Variants in OPCML observed in about 807,000 individuals in gnomAD.
The protein encoded by OPCML is opioid-binding protein/cell adhesion molecule.
OPCML carries 13 observed loss-of-function variants against 37.8 expected under a neutral mutation model. The ratio of observed to expected loss-of-function variants is 0.34; its 90% CI spans 0.22 to 0.55. OPCML has a LOEUF of 0.55. Ranked by LOEUF, OPCML falls within the 20% of genes least tolerant of loss-of-function variation. OPCML has a pLI of 0.91. For synonymous variants in OPCML, 176 were observed against 168.8 expected (o/e 1.04, Z -0.33); for missense variants, 341 against 435.6 (o/e 0.78, Z 1.93).
At chr11:133,429,363 G>T (rs1946070765) in intron 1 of OPCML, among the ~76,000 whole-genome samples, 2 of 152,158 alleles carry the variant, frequency 1.3e-5, no homozygotes, top group Non-Finnish European at 2.9e-5. Context: ...GGGGTGAGCT[G>T]GGGATTGGAT....
chr11:132,867,314 G>A (rs562999572), intron 2 of OPCML, among the ~76,000 whole-genome samples: 1 of 152,272 alleles, frequency 6.6e-6, no homozygotes, highest in South Asian at 2.1e-4. Context: ...CTCTGTCACG[G>A]ACTCAGCATC....
intron 4 of OPCML, among the ~76,000 whole-genome samples, chr11:132,441,165 G>GTTTTTTTTTTGTTTTTTTTTTTTTTTT (rs2096031953): frequency 1.4e-5 from 1 of 72,402 alleles, no homozygotes; most frequent in Admixed American, 1.5e-4. Context: ...GGACTTTTTT[G>GTTTTTTTTTTGTTTTTTTTTTTTTTTT]TTTTTTTTTT....
intron 1 of OPCML, among the ~76,000 whole-genome samples, chr11:133,450,728 T>C (rs76916206): frequency 0.016 from 2,357 of 151,644 alleles, 134 homozygotes; most frequent in African/African-American, 0.054. Flanking sequence ...GAAGGAAAAG[T>C]GAAGACAGTA....
intron 1 of OPCML, among the ~76,000 whole-genome samples, chr11:133,313,765 T>TTTTAGCCCATGGAGACCCGAGTTAGA (rs1943122473): frequency 6.6e-6 from 1 of 152,178 alleles, no homozygotes; most frequent in Non-Finnish European, 1.5e-5. Flanking sequence ...GACACCCTGA[T>TTTTAGCCCATGGAGACCCGAGTTAGA]TTTAGCCCAT....
At chr11:132,984,286 G>A (rs978352854) in intron 1 of OPCML, among the ~76,000 whole-genome samples, 2 of 152,058 alleles carry the variant, frequency 1.3e-5, no homozygotes, top group African/African-American at 2.4e-5. Context: ...ATAACTACTC[G>A]ATAATTATTC....
rs144874252 is a variant in OPCML, at chr11:132,567,899, G to C, written c.380-38713C>G. On this transcript the variant is annotated intron_variant, in intron 3 of 7. Coordinates refer to ENST00000524381, the MANE Select transcript of OPCML (RefSeq NM_001012393.5). Reference sequence around the variant, plus strand: ...CAGTTGTTGCAAATTGTTTGACTTTGGTCATGTATGTGCCATTCACAGACA... The same window carrying C: ...CAGTTGTTGCAAATTGTTTGACTTTCGTCATGTATGTGCCATTCACAGACA... Among the ~76,000 whole-genome samples, 399 of 152,262 alleles carry C rather than the reference G, an allele frequency of 2.6e-3. 2 individuals are homozygous for C. Among genetic ancestry groups the C allele is most frequent in the Admixed American group, 4.6e-3 (71 of 15,306 alleles).
chr11:133,219,765 C>T (rs976609510), intron 1 of OPCML, among the ~76,000 whole-genome samples: 4 of 151,360 alleles, frequency 2.6e-5, no homozygotes, highest in Non-Finnish European at 5.9e-5. Flanking sequence ...GGACATTTGG[C>T]AATGCTTGGA....
chr11:132,855,735 C>G (rs1359770595), intron 2 of OPCML, among the ~76,000 whole-genome samples: 1 of 152,192 alleles, frequency 6.6e-6, no homozygotes, highest in Non-Finnish European at 1.5e-5. Context: ...AACCACCAAC[C>G]TAATCCATCC....
chr11:133,017,640 C>T (rs181999663), intron 1 of OPCML, among the ~76,000 whole-genome samples: 6 of 152,296 alleles, frequency 3.9e-5, no homozygotes, highest in Admixed American at 2.0e-4. Flanking sequence ...CTGCCCTCCT[C>T]GGCCTCCCAA....
chr11:133,105,882 T>C (rs1949148988), intron 1 of OPCML, among the ~76,000 whole-genome samples: 1 of 151,894 alleles, frequency 6.6e-6, no homozygotes, highest in East Asian at 1.9e-4. Context: ...CTCAGGAGGC[T>C]GAGGCAGGAG....
intron 1 of OPCML, among the ~76,000 whole-genome samples, chr11:133,121,445 A>G (rs1194455524): frequency 1.3e-5 from 2 of 152,216 alleles, no homozygotes; most frequent in African/African-American, 4.8e-5. Context: ...ATGTCCTGAT[A>G]CACTTCAGAC....
Position 133,458,557 on chromosome 11 carries a change from GTA to G in OPCML, c.61+73705_61+73706del, listed in dbSNP as rs199726008. 1.7e-4 allele frequency among the ~76,000 whole-genome samples: 17 copies of G among 99,730 alleles called. 3 individuals carry two copies. The highest frequency in any genetic ancestry group is 4.2e-4 in the African/African-American group (4 of 9,574). The allele number at this position is 99,730 out of a possible 152,430, so 65.4% of individuals were successfully genotyped here. A position where few individuals can be genotyped will look rare whatever the true frequency, so the allele number is the denominator to read the frequency against. ...TATACACATATATACACGTGTGTGT[GTA>G]TACACATATATACACGTGTGTGTAC... On this transcript the variant is annotated intron_variant, in intron 1 of 7. Transcript: ENST00000524381.
rs554700913 is a variant in OPCML, at chr11:132,768,631, T to G, written c.147-111312A>C. 8.5e-5 allele frequency among the ~76,000 whole-genome samples: 13 copies of G among 152,316 alleles called. 1 individual carries two copies. The highest frequency in any genetic ancestry group is 3.1e-4 in the African/African-American group (13 of 41,578). On this transcript the variant is annotated intron_variant, in intron 2 of 7. Transcript: ENST00000524381. ...AATAGATTTACTCTCAGTGTTACTC[T>G]GACCTGGTGACCTAGAAAATGTCCA...
At chr11:133,069,733 G>A (rs984947355) in intron 1 of OPCML, among the ~76,000 whole-genome samples, 3 of 152,170 alleles carry the variant, frequency 2.0e-5, no homozygotes, top group Non-Finnish European at 4.4e-5. Context: ...TGCAAGCCTG[G>A]GTGGTATCAC....
At chr11:133,314,756 T>C (rs1438160853) in intron 1 of OPCML, among the ~76,000 whole-genome samples, 10 of 152,172 alleles carry the variant, frequency 6.6e-5, no homozygotes, top group African/African-American at 2.2e-4. Flanking sequence ...TAAGGCTCCA[T>C]GTGCCCACGG....
At chr11:132,859,510 C>T (rs966408681) in intron 2 of OPCML, 1 of 152,156 alleles carries the variant, frequency 6.6e-6, no homozygotes, top group African/African-American at 2.4e-5. Flanking sequence ...TGAGGAAACT[C>T]GTGTGGACTT....
At chr11:133,042,048 G>T (rs560420015) in intron 1 of OPCML, among the ~76,000 whole-genome samples, 3 of 152,218 alleles carry the variant, frequency 2.0e-5, no homozygotes, top group South Asian at 2.1e-4. Flanking sequence ...GCTGGGGGGT[G>T]GGGGGAGCCT....
At chr11:133,523,411 C>T (rs1407529166) in intron 1 of OPCML, among the ~76,000 whole-genome samples, 1 of 152,102 alleles carries the variant, frequency 6.6e-6, no homozygotes, top group East Asian at 1.9e-4. Flanking sequence ...CTACAACTTT[C>T]CTTTAAAAGT....
At chr11:132,533,054 T>C (rs932749142) in intron 3 of OPCML, among the ~76,000 whole-genome samples, 3 of 152,128 alleles carry the variant, frequency 2.0e-5, no homozygotes, top group East Asian at 1.9e-4. Context: ...AATATACACA[T>C]AAACATTAAG....
Sources: allele counts gnomAD v4.1 joint callset (sites outside exome capture counted in the v4.1 genomes callset), GRCh38; gene constraint gnomAD v4.1.1; transcripts MANE v1.5; gene names NCBI Gene and HGNC (gene_info 2026-07-23, HGNC 2026-07-21).